TMEM132D: variants seen among roughly 807,000 people sequenced by gnomAD.
TMEM132D encodes transmembrane protein 132D.
Under a neutral mutation model 62.3 loss-of-function variants are expected in TMEM132D, and 21 were observed. That is an observed-to-expected ratio of 0.34 (90% CI 0.24 to 0.49). The LOEUF (loss-of-function observed/expected upper bound fraction) is 0.49, where lower values mean the gene tolerates loss of function less well. TMEM132D is among the 20% of genes least tolerant of loss of function. The probability of loss-of-function intolerance (pLI) is 0.99; values close to 1 mark genes in which losing one functional copy is unlikely to be tolerated. For missense variants in TMEM132D, 1,346 were observed against 1,402.8 expected, an observed-to-expected ratio of 0.96 and a Z score of 0.65; for synonymous variants, 621 against 575.6, an observed-to-expected ratio of 1.08 and a Z score of -1.13.
At chr12:129,211,550 C>T (rs1593297754) in intron 4 of TMEM132D, among the ~76,000 whole-genome samples, 1 of 152,234 alleles carries the variant, frequency 6.6e-6, no homozygotes, top group East Asian at 1.9e-4. Context: ...TAACTATTTT[C>T]ATTATGTTAA....
chr12:129,381,960 G>C (rs1870966779), intron 3 of TMEM132D, among the ~76,000 whole-genome samples: 2 of 152,166 alleles, frequency 1.3e-5, no homozygotes, highest in Admixed American at 1.3e-4. Context: ...CAGACCGTAT[G>C]CTCCTGTGAT....
chr12:129,895,747 G>A (rs766274061), intron 1 of TMEM132D, among the ~76,000 whole-genome samples: 25 of 152,064 alleles, frequency 1.6e-4, no homozygotes, highest in Admixed American at 6.5e-4. Context: ...TTGGAGTGAC[G>A]TGGCACAGAG....
At chr12:129,316,575 A>G (rs1023679142) in intron 4 of TMEM132D, among the ~76,000 whole-genome samples, 2 of 152,102 alleles carry the variant, frequency 1.3e-5, no homozygotes, top group African/African-American at 2.4e-5. Context: ...TGATATGTCT[A>G]TCTTGGAGAA....
intron 4 of TMEM132D, among the ~76,000 whole-genome samples, chr12:129,287,509 G>T (rs1607909): frequency 0.3 from 45,671 of 152,030 alleles, 7,962 homozygotes; most frequent in Middle Eastern, 0.42. Flanking sequence ...GTAGTTGCAG[G>T]TTTTGCCATT....
chr12:129,467,980 T>C (rs1187345696), intron 3 of TMEM132D, among the ~76,000 whole-genome samples: 1 of 152,136 alleles, frequency 6.6e-6, no homozygotes, highest in African/African-American at 2.4e-5. Flanking sequence ...AGGTAACAGA[T>C]AACGAAGCTC....
chr12:129,332,529 A>AGCTTGAAGGT (rs146054550), intron 4 of TMEM132D, among the ~76,000 whole-genome samples: 2,581 of 152,278 alleles, frequency 0.017, 65 homozygotes, highest in African/African-American at 0.059. Context: ...CCTTGACAAC[A>AGCTTGAAGGT]GCCACAACTG....
intron 1 of TMEM132D, among the ~76,000 whole-genome samples, chr12:129,881,221 G>T (rs561057466): frequency 6.6e-6 from 1 of 151,932 alleles, no homozygotes; most frequent in East Asian, 1.9e-4. Flanking sequence ...ACAACTCACA[G>T]AACCATAAAG....
At chr12:129,575,043 G>A (rs546548299) in intron 2 of TMEM132D, among the ~76,000 whole-genome samples, 24 of 151,760 alleles carry the variant, frequency 1.6e-4, no homozygotes, top group Admixed American at 7.2e-4. Flanking sequence ...TCTGCTTGGC[G>A]CTACATATGG....
At chr12:129,902,388 G>C (rs76530655) in intron 1 of TMEM132D, among the ~76,000 whole-genome samples, 1,548 of 152,286 alleles carry the variant, frequency 0.01, 65 homozygotes, top group Admixed American at 0.081. Flanking sequence ...GGGCACGGGT[G>C]GGGGAACCAC....
At chr12:129,775,493 G>A (rs117584970) in intron 1 of TMEM132D, among the ~76,000 whole-genome samples, 1,591 of 152,248 alleles carry the variant, frequency 0.01, 8 homozygotes, top group Middle Eastern at 0.024. Context: ...GTTGAGTGTC[G>A]CTGCAGTTTT....
intron 3 of TMEM132D, among the ~76,000 whole-genome samples, chr12:129,421,376 C>A (rs1872320208): frequency 6.6e-6 from 1 of 152,220 alleles, no homozygotes; most frequent in South Asian, 2.1e-4. Flanking sequence ...ATCAGCTACA[C>A]TAATCCAGTG....
intron 1 of TMEM132D, among the ~76,000 whole-genome samples, chr12:129,744,904 C>T (rs989447458): frequency 6.6e-6 from 1 of 152,096 alleles, no homozygotes; most frequent in African/African-American, 2.4e-5. Context: ...CCCCATAATC[C>T]CCACATGTCA....
At chr12:129,758,207 CTTTTA>C (rs748391053) in intron 1 of TMEM132D, among the ~76,000 whole-genome samples, 17 of 152,028 alleles carry the variant, frequency 1.1e-4, no homozygotes, top group Non-Finnish European at 2.4e-4. Context: ...GCCTGGCCCA[CTTTTA>C]TTTTATTTTT....
At position 129,834,306 on chromosome 12, in the gene TMEM132D, T is replaced by C. The variant is rs573072713; in HGVS notation, c.79+68955A>G. 8.5e-5 allele frequency among the ~76,000 whole-genome samples: 13 copies of C among 152,222 alleles called. No homozygotes were observed. In the East Asian group the frequency reaches 2.5e-3, roughly 29 times the overall value. On this transcript the variant is annotated intron_variant, in intron 1 of 8. Coordinates refer to ENST00000422113, the MANE Select transcript of TMEM132D (RefSeq NM_133448.3). The stretch of plus-strand genomic sequence containing the variant: ...CAAACCAGTCCCGAGACCCAGCTGC[T>C]GCTTAAATGGAGTTATGGACAATTA...
In TMEM132D at chr12:129,393,912, G is replaced by A. The variant is rs115592436; in HGVS notation, c.1116-56095C>T. Among the ~76,000 whole-genome samples, 1,285 of 152,182 alleles carry A rather than the reference G, an allele frequency of 8.4e-3. 24 individuals are homozygous for A. Among genetic ancestry groups the A allele is most frequent in the African/African-American group, 0.029 (1,214 of 41,504 alleles). On this transcript the variant is annotated intron_variant, in intron 3 of 8. Transcript: ENST00000422113. Reference sequence around the variant, plus strand: ...ACATAAACATCCCCCCAGAAACTCCGCCACTCATCTCTCAGGCTTCTCAGA... The same window carrying A: ...ACATAAACATCCCCCCAGAAACTCCACCACTCATCTCTCAGGCTTCTCAGA...
intron 1 of TMEM132D, among the ~76,000 whole-genome samples, chr12:129,705,715 C>G (rs1366834051): frequency 6.6e-6 from 1 of 152,058 alleles, no homozygotes; most frequent in Non-Finnish European, 1.5e-5. Flanking sequence ...TAAATGAGAA[C>G]CAGATAAGCA....
intron 1 of TMEM132D, among the ~76,000 whole-genome samples, chr12:129,794,056 AT>A (rs965640515): frequency 3.0e-4 from 44 of 146,646 alleles, no homozygotes; most frequent in Non-Finnish European, 3.9e-4. Context: ...ATACTGCAGT[AT>A]TTTTTTTTAA....
chr12:129,591,571 TG>T (rs1263065293), intron 2 of TMEM132D, among the ~76,000 whole-genome samples: 1 of 149,474 alleles, frequency 6.7e-6, no homozygotes, highest in Admixed American at 6.7e-5. Context: ...GGAACTAGGG[TG>T]GGGCCACATC....
At chr12:129,820,460 CTG>C (rs2137324558) in intron 1 of TMEM132D, among the ~76,000 whole-genome samples, 1 of 152,248 alleles carries the variant, frequency 6.6e-6, no homozygotes, top group South Asian at 2.1e-4. Context: ...CGCATCCCCT[CTG>C]GAGCAGTTAA....
Sources: allele counts gnomAD v4.1 joint callset (sites outside exome capture counted in the v4.1 genomes callset), GRCh38; gene constraint gnomAD v4.1.1; transcripts MANE v1.5; gene names NCBI Gene and HGNC (gene_info 2026-07-23, HGNC 2026-07-21).